The following WT1 variants were observed in gnomAD, a reference collection of about 807,000 sequenced individuals.
The protein encoded by WT1 is Wilms tumor protein.
Under a neutral mutation model 60.8 loss-of-function variants are expected in WT1, and 8 were observed. The ratio of observed to expected loss-of-function variants is 0.13; its 90% CI spans 0.08 to 0.24. The LOEUF is 0.24. Among genes scored for constraint, WT1 ranks in the 10% least tolerant of loss-of-function variants. The probability of loss-of-function intolerance (pLI) is 1.00; values close to 1 mark genes in which losing one functional copy is unlikely to be tolerated. For synonymous variants in WT1, 312 were observed against 297.1 expected (o/e 1.05, Z -0.52); for missense variants, 568 against 711.8 (o/e 0.80, Z 2.30).
chr11:32,400,857 C>T (rs1262968487), intron 5 of WT1, among the ~76,000 whole-genome samples: 1 of 152,258 alleles, frequency 6.6e-6, no homozygotes, highest in Non-Finnish European at 1.5e-5. Flanking sequence ...ACACCAGCAG[C>T]ACATTAGAAT....
In WT1 at chr11:32,395,552, A is replaced by G. The variant is rs574690394; in HGVS notation, c.1264+705T>C. 5.3e-5 allele frequency among the ~76,000 whole-genome samples: 8 copies of G among 151,008 alleles called. No homozygotes were observed. In the South Asian group the frequency reaches 1.5e-3, roughly 28 times the overall value. ...AGTGGTAAGATCTCAGCTCACTGCAACCTCTGCCTCCTAGGTTCAAGCAAT... is the reference window on the plus strand; with the variant it reads ...AGTGGTAAGATCTCAGCTCACTGCAGCCTCTGCCTCCTAGGTTCAAGCAAT... On this transcript the variant is annotated intron_variant, in intron 7 of 9. Coordinates refer to ENST00000452863, the MANE Select transcript of WT1 (RefSeq NM_024426.6).
intron 5 of WT1, among the ~76,000 whole-genome samples, chr11:32,403,558 C>T (rs1277080928): frequency 1.3e-5 from 2 of 150,362 alleles, no homozygotes; most frequent in Non-Finnish European, 2.9e-5. Flanking sequence ...TGGAGAACCA[C>T]TGAATGAATA....
intron 1 of WT1, 144 bp downstream of exon 1, chr11:32,434,556 C>A: frequency 6.7e-7 from 1 of 1,481,760 alleles, no homozygotes; most frequent in South Asian, 1.3e-5. Flanking sequence ...CCTCCCCAGC[C>A]GCCGCTTCCG....
chr11:32,414,299 G>C (rs1852595437), intron 5 of WT1, among the ~76,000 whole-genome samples: 1 of 152,116 alleles, frequency 6.6e-6, no homozygotes, highest in African/African-American at 2.4e-5. Flanking sequence ...TTGTGGAAGG[G>C]TCTCACTCTA....
At chr11:32,405,254 A>C (rs947554949) in intron 5 of WT1, among the ~76,000 whole-genome samples, 5 of 152,160 alleles carry the variant, frequency 3.3e-5, no homozygotes, top group Non-Finnish European at 7.3e-5. Flanking sequence ...AACTGTAAAC[A>C]ATGTGAACCC....
intron 9 of WT1, among the ~76,000 whole-genome samples, chr11:32,390,228 T>C (rs976303208): frequency 3.3e-5 from 5 of 152,230 alleles, no homozygotes; most frequent in African/African-American, 4.8e-5. Flanking sequence ...CAGATACTGC[T>C]GGTCCCACTT....
intron 5 of WT1, chr11:32,400,672 G>C (rs1852127096): frequency 5.8e-6 from 1 of 171,074 alleles, no homozygotes; most frequent in Non-Finnish European, 1.3e-5. Flanking sequence ...CTGGTGCTCA[G>C]GTTAAGCTTC....
At chr11:32,410,803 G>A (rs183354761) in intron 5 of WT1, among the ~76,000 whole-genome samples, 123 of 152,200 alleles carry the variant, frequency 8.1e-4, no homozygotes, top group Non-Finnish European at 1.2e-3. Flanking sequence ...AAACTTGTTC[G>A]CTTTTAATAG....
chr11:32,431,173 G>T (rs1454669470), intron 1 of WT1, among the ~76,000 whole-genome samples: 2 of 152,220 alleles, frequency 1.3e-5, no homozygotes, highest in Non-Finnish European at 2.9e-5. Context: ...TGAGAGCTGA[G>T]GGGTGAAATG....
intron 3 of WT1, among the ~76,000 whole-genome samples, chr11:32,421,775 G>A (rs539076573): frequency 6.6e-6 from 1 of 152,140 alleles, no homozygotes; most frequent in Non-Finnish European, 1.5e-5. Flanking sequence ...CTCTTCAAAC[G>A]CATGTGTGAT....
At chr11:32,426,291 A>G (rs2133065813) in intron 3 of WT1, among the ~76,000 whole-genome samples, 1 of 152,330 alleles carries the variant, frequency 6.6e-6, no homozygotes, top group East Asian at 1.9e-4. Context: ...GACCAAGGTC[A>G]TTACGTGGGA....
At chr11:32,426,881 C>T (rs1459271015) in intron 3 of WT1, among the ~76,000 whole-genome samples, 1 of 152,144 alleles carries the variant, frequency 6.6e-6, no homozygotes, top group African/African-American at 2.4e-5. Flanking sequence ...GGACTCCCGC[C>T]CCTCCTCCAC....
chr11:32,395,607 G>A (rs1374270910), intron 7 of WT1, among the ~76,000 whole-genome samples: 1 of 151,792 alleles, frequency 6.6e-6, no homozygotes, highest in East Asian at 1.9e-4. Context: ...AAGTACAGGT[G>A]CGTGCCACCA....
chr11:32,427,765 A>G (rs1390517262), intron 3 of WT1, among the ~76,000 whole-genome samples, 191 bp downstream of exon 3: 2 of 152,250 alleles, frequency 1.3e-5, no homozygotes, highest in East Asian at 3.8e-4. Flanking sequence ...CAACATAAGA[A>G]CAACTCAGAG....
chr11:32,389,557 C>A (rs1416159019), intron 9 of WT1, among the ~76,000 whole-genome samples: 2 of 152,120 alleles, frequency 1.3e-5, no homozygotes, highest in Non-Finnish European at 2.9e-5. Context: ...AAGTTGGGAA[C>A]TGAGATGAAC....
chr11:32,412,023 C>T (rs1852516769), intron 5 of WT1, among the ~76,000 whole-genome samples: 2 of 152,208 alleles, frequency 1.3e-5, no homozygotes, highest in Non-Finnish European at 2.9e-5. Context: ...CTTTGCATCT[C>T]AGGCTCCGGG....
intron 2 of WT1, 42 bp downstream of exon 2, chr11:32,428,455 G>A (rs767727682): frequency 1.9e-6 from 3 of 1,613,198 alleles, no homozygotes; most frequent in Non-Finnish European, 1.7e-6. Flanking sequence ...AGGATAGCAC[G>A]GAAGAAGGGG....
intron 3 of WT1, among the ~76,000 whole-genome samples, chr11:32,420,990 T>A (rs1302428975): frequency 6.6e-6 from 1 of 152,160 alleles, no homozygotes; most frequent in Non-Finnish European, 1.5e-5. Flanking sequence ...AGAGATAGGA[T>A]CAGAGCACAG....
At chr11:32,395,591 C>A (rs1444029496) in intron 7 of WT1, among the ~76,000 whole-genome samples, 1 of 151,874 alleles carries the variant, frequency 6.6e-6, no homozygotes, top group African/African-American at 2.4e-5. Flanking sequence ...CCTGCCCCAG[C>A]CTCCCAAGTA....
Sources: gnomAD v4.1 joint callset for allele counts (sites outside exome capture counted in the v4.1 genomes callset) on GRCh38, gnomAD v4.1.1 for gene constraint, MANE v1.5 for transcripts, NCBI Gene and HGNC (gene_info 2026-07-23, HGNC 2026-07-21) for gene names.